The following FRMD6 variants were observed in gnomAD, a reference collection of about 807,000 sequenced individuals.
FRMD6 encodes FERM domain containing 6.
A neutral mutation model predicts 73.2 loss-of-function variants in FRMD6; 37 were observed. The ratio of observed to expected loss-of-function variants is 0.51; its 90% CI spans 0.39 to 0.66. FRMD6 has a LOEUF of 0.66. Among genes scored for constraint, FRMD6 ranks in the 30% least tolerant of loss-of-function variants. FRMD6 has a pLI of 0.00. For missense variants in FRMD6, 714 were observed against 780.5 expected, an observed-to-expected ratio of 0.91 and a Z score of 1.02; for synonymous variants, 273 against 282.2, an observed-to-expected ratio of 0.97 and a Z score of 0.33.
chr14:51,424,232 G>C, the FRMD6 span, among the ~76,000 whole-genome samples: 1 of 152,170 alleles, frequency 6.6e-6, no homozygotes, highest in Non-Finnish European at 1.5e-5. Flanking sequence ...AGCCACCGAT[G>C]AGATCAGCAG....
At chr14:51,440,786 C>A in the FRMD6 span, among the ~76,000 whole-genome samples, 1 of 152,280 alleles carries the variant, frequency 6.6e-6, no homozygotes, top group East Asian at 1.9e-4. Flanking sequence ...AATATTGCTT[C>A]ATATAAATCA....
At chr14:51,495,116 G>A (rs1883219303) in intron 1 of FRMD6, among the ~76,000 whole-genome samples, 1 of 152,066 alleles carries the variant, frequency 6.6e-6, no homozygotes, top group African/African-American at 2.4e-5. Flanking sequence ...CAATTTCACT[G>A]CTCACAAGTT....
rs1240997215 is a variant in FRMD6 at position 51,729,335 on chromosome 14, A to G, written c.*1306A>G. On this transcript the variant is annotated 3_prime_UTR_variant, in exon 14 of 14. Transcript: ENST00000344768. The stretch of plus-strand genomic sequence containing the variant: ...CTTGTTAATTTTGAAGTAAAAGTGT[A>G]CAGAAGACGTAGTGTATGAGAAAGG... The G allele has an allele frequency of 6.6e-6, 1 of 152,580 alleles. No individual in the cohort carries two copies. The highest frequency in any genetic ancestry group is 2.4e-5 in the African/African-American group (1 of 41,452). The allele number at this position is 152,580 out of a possible 1,614,324, so 9.5% of individuals were successfully genotyped here.
chr14:51,631,514 T>TA (rs1367947198), intron 2 of FRMD6, among the ~76,000 whole-genome samples: 1 of 152,222 alleles, frequency 6.6e-6, no homozygotes, highest in African/African-American at 2.4e-5. Flanking sequence ...CTAAGGAAGC[T>TA]AAGGGTTGTT....
the FRMD6 span, among the ~76,000 whole-genome samples, chr14:51,475,259 C>T: frequency 6.6e-6 from 1 of 152,146 alleles, no homozygotes; most frequent in African/African-American, 2.4e-5. Flanking sequence ...ACATTAACAG[C>T]ATTGGAACCT....
chr14:51,522,012 A>G (rs2140298281), intron 1 of FRMD6, among the ~76,000 whole-genome samples: 1 of 152,304 alleles, frequency 6.6e-6, no homozygotes, highest in Middle Eastern at 3.4e-3. Flanking sequence ...TGGGTATAGA[A>G]TGAATTACTT....
At chr14:51,534,292 G>A (rs1885761861) in intron 1 of FRMD6, among the ~76,000 whole-genome samples, 1 of 152,208 alleles carries the variant, frequency 6.6e-6, no homozygotes, top group South Asian at 2.1e-4. Context: ...CTATTACAGG[G>A]AGGAAAGATT....
chr14:51,723,837 C>T (rs903855732), intron 12 of FRMD6, among the ~76,000 whole-genome samples: 2 of 150,460 alleles, frequency 1.3e-5, no homozygotes, highest in African/African-American at 4.9e-5. Flanking sequence ...TGGTATATAA[C>T]CATTAAATTC....
chr14:51,414,113 C>T, the FRMD6 span, among the ~76,000 whole-genome samples: 1 of 152,184 alleles, frequency 6.6e-6, no homozygotes. Context: ...TGCCTGTTCA[C>T]TCTGATGGTA....
the FRMD6 span, among the ~76,000 whole-genome samples, chr14:51,459,884 C>CTTTTTTTTTTT: frequency 1.8e-3 from 133 of 74,642 alleles, 21 homozygotes; most frequent in African/African-American, 6.3e-3. Context: ...TACTGACTCT[C>CTTTTTTTTTTT]TTTTTTTTTT....
chr14:51,660,614 A>G (rs1893149043), intron 1 of FRMD6, among the ~76,000 whole-genome samples: 1 of 7,652 alleles, frequency 1.3e-4, no homozygotes, highest in African/African-American at 4.0e-4. Context: ...AAAATAAAGG[A>G]AAAAAAAAAA....
chr14:51,711,587 G>A lies in FRMD6; in HGVS notation c.771G>A (p.Gln257=). 6.2e-7 allele frequency: 1 copy of A among 1,605,078 alleles called. No individual in the cohort carries two copies. Among genetic ancestry groups the A allele is most frequent in the Non-Finnish European group, 8.5e-7 (1 of 1,172,630 alleles). Residue 257 remains glutamine (Q), a synonymous_variant, in exon 8 of 14, where the codon CAG becomes CAA. Coordinates refer to ENST00000344768, the MANE Select transcript of FRMD6 (RefSeq NM_001267046.2). ...TTGGATTGACCATGAGGGGAATACAGATTTTTCAGGTTGGTAAATGAGAAT... is the reference window on the plus strand; with the variant it reads ...TTGGATTGACCATGAGGGGAATACAAATTTTTCAGGTTGGTAAATGAGAAT... ...LTLGLTMRGI[Q]IFQNLDEEKQ... is the part of the protein sequence containing the mutation.
chr14:51,628,584 G>A (rs974089727), intron 2 of FRMD6, among the ~76,000 whole-genome samples: 1 of 151,858 alleles, frequency 6.6e-6, no homozygotes, highest in African/African-American at 2.4e-5. Context: ...AGGCCAAGGT[G>A]GACAGATCAC....
At chr14:51,673,081 T>G (rs1354146390) in intron 1 of FRMD6, among the ~76,000 whole-genome samples, 1 of 152,138 alleles carries the variant, frequency 6.6e-6, no homozygotes, top group African/African-American at 2.4e-5. Context: ...CAGGGCAGCC[T>G]TCAGACTGAA....
At chr14:51,469,870 C>T in the FRMD6 span, among the ~76,000 whole-genome samples, 10 of 151,890 alleles carry the variant, frequency 6.6e-5, no homozygotes, top group African/African-American at 1.9e-4. Context: ...TTTGATTCAC[C>T]TTTCTATGGA....
chr14:51,453,989 A>T, the FRMD6 span, among the ~76,000 whole-genome samples: 1 of 152,222 alleles, frequency 6.6e-6, no homozygotes, highest in East Asian at 1.9e-4. Flanking sequence ...AAGGCGATGA[A>T]GCAGGGCTCT....
At chr14:51,497,202 C>G (rs1428826232) in intron 1 of FRMD6, among the ~76,000 whole-genome samples, 1 of 151,414 alleles carries the variant, frequency 6.6e-6, no homozygotes. Flanking sequence ...TGACTCAACG[C>G]TCTGGGTTCT....
At chr14:51,462,350 A>T in the FRMD6 span, among the ~76,000 whole-genome samples, 1 of 152,078 alleles carries the variant, frequency 6.6e-6, no homozygotes, top group Non-Finnish European at 1.5e-5. Flanking sequence ...TGTATGGGAG[A>T]TGCTGTGTAC....
intron 1 of FRMD6, among the ~76,000 whole-genome samples, chr14:51,495,592 TA>T (rs1286668521): frequency 6.6e-6 from 1 of 152,214 alleles, no homozygotes; most frequent in Admixed American, 6.5e-5. Flanking sequence ...AATTCATTTA[TA>T]GTTCTCCTCT....
Sources: allele counts gnomAD v4.1 joint callset (sites outside exome capture counted in the v4.1 genomes callset), GRCh38; gene constraint gnomAD v4.1.1; transcripts MANE v1.5; gene names NCBI Gene and HGNC (gene_info 2026-07-23, HGNC 2026-07-21).